The following OCRL variants were observed in gnomAD, a reference collection of about 807,000 sequenced individuals.
OCRL encodes OCRL inositol polyphosphate-5-phosphatase.
A neutral mutation model predicts 78.9 loss-of-function variants in OCRL; 8 were observed. The observed-to-expected ratio is 0.10, with a 90% CI of 0.06 to 0.18. The LOEUF is 0.18. Among genes scored for constraint, OCRL ranks in the 10% least tolerant of loss-of-function variants. The probability of loss-of-function intolerance (pLI) is 1.00; values close to 1 mark genes in which losing one functional copy is unlikely to be tolerated. For missense variants in OCRL, 454 were observed against 696.7 expected, an observed-to-expected ratio of 0.65 and a Z score of 3.92; for synonymous variants, 240 against 235.4, an observed-to-expected ratio of 1.02 and a Z score of -0.18.
At chrX:129,546,626 G>A (rs761465480) in intron 3 of OCRL, among the ~76,000 whole-genome samples, 20 of 112,133 alleles carry the variant, frequency 1.8e-4, no homozygotes, top group Non-Finnish European at 3.4e-4. Context: ...TCCATAGTAA[G>A]TTGCTGTGGC....
Position 129,562,380 on chromosome X carries a change from A to G in OCRL, c.940-4A>G, listed in dbSNP as rs2124405755. 5.0e-6 allele frequency: 6 copies of G among 1,196,316 alleles called. No individual in the cohort carries two copies. The highest frequency in any genetic ancestry group is 6.8e-6 in the Non-Finnish European group (6 of 881,186). ...AACCTTTTGTAACTCCCCGGAACTC[A>G]TAGGTTCAACTGGTGCGCCTTGTTG... On this transcript the variant is annotated splice_region_variant and splice_polypyrimidine_tract_variant and intron_variant, in intron 10 of 23. Transcript: ENST00000371113.
At chrX:129,586,020 A>T (rs1602815801) in intron 19 of OCRL, among the ~76,000 whole-genome samples, 1 of 111,475 alleles carries the variant, frequency 9.0e-6, no homozygotes, top group East Asian at 2.8e-4. Flanking sequence ...AGGGAGGAGG[A>T]TGCAAAAAAA....
At chrX:129,585,340 C>T (rs1016157361) in intron 19 of OCRL, among the ~76,000 whole-genome samples, 5 of 112,210 alleles carry the variant, frequency 4.5e-5, no homozygotes, top group Admixed American at 1.9e-4. Flanking sequence ...AAGAGCAGTC[C>T]ATGTTCTGTC....
intron 4 of OCRL, among the ~76,000 whole-genome samples, 199 bp from the exon 5 acceptor site, chrX:129,557,126 C>T (rs1045852747): frequency 2.7e-5 from 3 of 111,023 alleles, no homozygotes; most frequent in African/African-American, 3.3e-5. Context: ...TCTCACTTCC[C>T]TTAGGGTTCC....
rs1453389675 is a variant in OCRL, at chrX:129,562,404, T to G, written c.960T>G (p.Val320=). ...CATAGGTTCAACTGGTGCGCCTTGTTGGGATGATGCTTCTTATATTTGCCA... is the reference window on the plus strand; with the variant it reads ...CATAGGTTCAACTGGTGCGCCTTGTGGGGATGATGCTTCTTATATTTGCCA... ...KYKKVQLVRL[V]GMMLLIFARK... The change falls in exon 11 of 24, where the codon GTT becomes GTG. Residue 320 remains valine, a synonymous_variant. Transcript: ENST00000371113. The G allele has an allele frequency of 8.3e-7, 1 of 1,208,443 alleles. No individual in the cohort carries two copies. Among genetic ancestry groups the G allele is most frequent in the East Asian group, 3.0e-5 (1 of 33,785 alleles).
intron 1 of OCRL, 106 bp downstream of exon 1, chrX:129,540,584 C>T (rs1935776164): frequency 5.5e-6 from 5 of 902,200 alleles, no homozygotes; most frequent in Non-Finnish European, 7.6e-6. Flanking sequence ...GCCCAGAGGC[C>T]GAGCAGAGAG....
At chrX:129,567,407 T>C (rs774724708) in intron 14 of OCRL, 44 bp downstream of exon 14, 1 of 943,639 alleles carries the variant, frequency 1.1e-6, no homozygotes, top group Admixed American at 2.2e-5. Flanking sequence ...TAAGGCTTGA[T>C]CTTATTTCTG....
chrX:129,560,951 G>A (rs1936137063), intron 9 of OCRL, among the ~76,000 whole-genome samples: 1 of 112,647 alleles, frequency 8.9e-6, no homozygotes, highest in Non-Finnish European at 1.9e-5. Flanking sequence ...GTTATCCTCT[G>A]TGGGAGGTAT....
At chrX:129,582,413 C>G (rs1432828620) in intron 18 of OCRL, among the ~76,000 whole-genome samples, 2 of 112,539 alleles carry the variant, frequency 1.8e-5, no homozygotes, top group Non-Finnish European at 3.8e-5. Flanking sequence ...AGCACAATGC[C>G]TTGTACTGGA....
chrX:129,545,613 A>G (rs1027460193), intron 3 of OCRL, among the ~76,000 whole-genome samples: 2 of 112,084 alleles, frequency 1.8e-5, no homozygotes, highest in African/African-American at 6.5e-5. Context: ...ATCTGCTACA[A>G]TGAAACTTAA....
intron 4 of OCRL, among the ~76,000 whole-genome samples, chrX:129,556,841 T>C (rs1394955754): frequency 8.9e-6 from 1 of 112,268 alleles, no homozygotes; most frequent in Non-Finnish European, 1.9e-5. Flanking sequence ...AGTTATTTTG[T>C]AAATTTAATC....
At chrX:129,558,265 C>T (rs1433679041) in intron 6 of OCRL, among the ~76,000 whole-genome samples, 2 of 111,969 alleles carry the variant, frequency 1.8e-5, no homozygotes, top group African/African-American at 6.5e-5. Context: ...CTGAACTTCC[C>T]TTTTCCTTTC....
At chrX:129,583,823 G>C (rs1936475277) in intron 18 of OCRL, among the ~76,000 whole-genome samples, 1 of 111,248 alleles carries the variant, frequency 9.0e-6, no homozygotes, top group Non-Finnish European at 1.9e-5. Flanking sequence ...CTTCAAATCT[G>C]GGCACTCTGG....
intron 10 of OCRL, 44 bp from the exon 11 acceptor site, chrX:129,562,340 A>G (rs375201475): frequency 2.1e-6 from 2 of 966,853 alleles, no homozygotes; most frequent in East Asian, 3.1e-5. Context: ...TGTGGCAAAG[A>G]TTGGTATTAA....
chrX:129,573,150 A>C (rs1016864505), intron 15 of OCRL, among the ~76,000 whole-genome samples: 1 of 112,128 alleles, frequency 8.9e-6, no homozygotes, highest in Admixed American at 9.5e-5. Flanking sequence ...TTACAGTTCA[A>C]ATATGTGAAA....
chrX:129,584,251 G>A (rs903557190), intron 18 of OCRL, 93 bp from the exon 19 acceptor site: 2 of 759,939 alleles, frequency 2.6e-6, no homozygotes, highest in Admixed American at 4.5e-5. Flanking sequence ...TGGTAAGATA[G>A]TGAGTTCTAA....
At position 129,584,386 on chromosome X, in the gene OCRL, G is replaced by T; in HGVS notation, c.2139+19G>T. The T allele has an allele frequency of 8.4e-7, 1 of 1,193,267 alleles. No homozygotes were observed. Among genetic ancestry groups the T allele is most frequent in the Middle Eastern group, 2.3e-4 (1 of 4,307 alleles). On this transcript the variant is annotated intron_variant, in intron 19 of 23. Transcript: ENST00000371113. ...AGAAAAGGTAATGCAATCCATTGGT[G>T]GTTATGAGAGTTTCCCTGTGCTTGA...
chrX:129,565,906 G>A lies in OCRL; in HGVS notation c.1356+23G>A, dbSNP rs181803310. ...CAGGTAAGTAAAGTTTCATTTTATA[G>A]GAACTTTCCTAGATGGGAGATGAGA... On this transcript the variant is annotated intron_variant, in intron 13 of 23. Transcript: ENST00000371113. The A allele has an allele frequency of 7.1e-4, 733 of 1,035,171 alleles. 5 individuals are homozygous for A. In the African/African-American group the frequency reaches 0.012, roughly 16 times the overall value. 85.3% of individuals were successfully genotyped at this position (1,035,171 alleles called of 1,213,427 possible).
rs995757589 is a variant in OCRL, at chrX:129,548,462, G to C, written c.200-101G>C. 16 of 644,623 alleles carry C rather than the reference G, an allele frequency of 2.5e-5. No individual in the cohort carries two copies. The African/African-American group carries it at 3.3e-4, about 13-fold the overall frequency. 53.1% of individuals were successfully genotyped at this position (644,623 alleles called of 1,213,427 possible). A position where few individuals can be genotyped will look rare whatever the true frequency, so the allele number is the denominator to read the frequency against. ...AAATATGTTCTAAGACCTAGGAGTA[G>C]TGACTGAGAGAAGCAGTTATTTAGT... On this transcript the variant is annotated intron_variant, in intron 3 of 23. Coordinates refer to ENST00000371113, the MANE Select transcript of OCRL (RefSeq NM_000276.4).
Sources: allele counts gnomAD v4.1 joint callset (sites outside exome capture counted in the v4.1 genomes callset), GRCh38; gene constraint gnomAD v4.1.1; transcripts MANE v1.5; gene names NCBI Gene and HGNC (gene_info 2026-07-23, HGNC 2026-07-21).